Variants in H2AZ1 observed in about 807,000 individuals in gnomAD.
H2AZ1 encodes histone H2A.Z.
A neutral mutation model predicts 16.6 loss-of-function variants in H2AZ1; 3 were observed. The ratio of observed to expected loss-of-function variants is 0.18; its 90% CI spans 0.08 to 0.47. H2AZ1 has a LOEUF of 0.47. Among genes scored for constraint, H2AZ1 ranks in the 20% least tolerant of loss-of-function variants. The pLI, the probability that H2AZ1 is intolerant of heterozygous loss-of-function variation, is 0.98. For synonymous variants in H2AZ1, 78 were observed against 60.7 expected, an observed-to-expected ratio of 1.28 and a Z score of -1.32; for missense variants, 27 against 163.6, an observed-to-expected ratio of 0.17 and a Z score of 4.55.
intron 1 of H2AZ1, 126 bp from the exon 2 acceptor site, chr4:99,949,866 C>T (rs1053666500): frequency 2.6e-6 from 1 of 391,166 alleles, no homozygotes; most frequent in Non-Finnish European, 3.8e-6. Context: ...CCGGGGTCTC[C>T]GGCCCGCGGC....
Position 99,948,931 on chromosome 4 carries a change from G to T in H2AZ1, c.205C>A (p.Leu69Met). 6.3e-7 allele frequency: 1 copy of T among 1,594,526 alleles called. No individual in the cohort carries two copies. The highest frequency in any genetic ancestry group is 8.6e-7 in the Non-Finnish European group (1 of 1,162,944). ...AAGTCTTTTGATGCATTTCCTGCCA[G>T]TTCAAGTACCTAAAAGGCAGAATCT... ...LEYLTAEVLE[L>M]AGNASKDLKV... The change falls in exon 4 of 5, where the codon CTG becomes ATG. Residue 69 changes from leucine to methionine, a missense_variant. Leu to Met is a conservative substitution (Grantham distance 15, BLOSUM62 2). This residue lies in a region of H2AZ1 where 14 missense variants were observed against 110.3 expected (regional missense o/e 0.13). Coordinates refer to ENST00000296417, the MANE Select transcript of H2AZ1 (RefSeq NM_002106.4).
chr4:99,949,550 C>T, intron 2 of H2AZ1, 113 bp downstream of exon 2: 2 of 1,127,098 alleles, frequency 1.8e-6, no homozygotes, highest in Non-Finnish European at 2.7e-6. Flanking sequence ...GCCCAAGTCG[C>T]GACACCGCAT....
rs747924199 is a variant in H2AZ1, at chr4:99,948,417, TTAGAG to T, written c.*40_*44del. ...TGGAATCACCAACACTGGACAGCTGTTAGAGTATTTAGAGTCCTGAGATAACAAGG... is the reference window on the plus strand; with the variant it reads ...TGGAATCACCAACACTGGACAGCTGTTATTTAGAGTCCTGAGATAACAAGG... On this transcript the variant is annotated 3_prime_UTR_variant, in exon 5 of 5. Transcript: ENST00000296417. The T allele has an allele frequency of 3.0e-5, 32 of 1,061,938 alleles. No homozygotes were observed. Among genetic ancestry groups the T allele is most frequent in the Admixed American group, 1.0e-4 (6 of 58,884 alleles). The allele number at this position is 1,061,938 out of a possible 1,614,324, so 65.8% of individuals were successfully genotyped here. A position where few individuals can be genotyped will look rare whatever the true frequency, so the allele number is the denominator to read the frequency against.
Position 99,948,449 on chromosome 4 carries a change from A to G in H2AZ1, c.*13T>C. 2 of 1,385,924 alleles carry G rather than the reference A, an allele frequency of 1.4e-6. No homozygotes were observed. Among genetic ancestry groups the G allele is most frequent in the Non-Finnish European group, 2.1e-6 (2 of 972,230 alleles). 85.9% of individuals were successfully genotyped at this position (1,385,924 alleles called of 1,614,324 possible). On this transcript the variant is annotated 3_prime_UTR_variant, in exon 5 of 5. Coordinates refer to ENST00000296417, the MANE Select transcript of H2AZ1 (RefSeq NM_002106.4). ...ATTTAGAGTCCTGAGATAACAAGGA[A>G]TCCAGGCATCCTTTAGACAGTCTTC...
At position 99,948,301 on chromosome 4, in the gene H2AZ1, T is replaced by A; in HGVS notation, c.*161A>T. 1.4e-6 allele frequency: 1 copy of A among 723,962 alleles called. No individual in the cohort carries two copies. The highest frequency in any genetic ancestry group is 2.5e-5 in the East Asian group (1 of 39,226). The allele number at this position is 723,962 out of a possible 1,614,324, so 44.8% of individuals were successfully genotyped here. A position where few individuals can be genotyped will look rare whatever the true frequency, so the allele number is the denominator to read the frequency against. ...ATGGTTAAGACTCGAATGCAGAAAT[T>A]TGGTTGGTTGGAAAGCTAATTAAAC... On this transcript the variant is annotated 3_prime_UTR_variant, in exon 5 of 5. Transcript: ENST00000296417.
At position 99,950,222 on chromosome 4, in the gene H2AZ1, A is replaced by C. The variant is rs1553950081; in HGVS notation, c.-52T>G. ...GCAAGGCAGAGAAAAGGCTAATCGG[A>C]CCCACGGTGAGATCCCACCACCTAC... On this transcript the variant is annotated 5_prime_UTR_variant, in exon 1 of 5. Coordinates refer to ENST00000296417, the MANE Select transcript of H2AZ1 (RefSeq NM_002106.4). The C allele has an allele frequency of 3.8e-6, 6 of 1,586,616 alleles. No homozygotes were observed. The Admixed American group carries it at 1.0e-4, about 27-fold the overall frequency.
intron 4 of H2AZ1, 140 bp from the exon 5 acceptor site, chr4:99,948,663 G>C (rs1727198041): frequency 6.8e-6 from 10 of 1,460,844 alleles, no homozygotes; most frequent in Non-Finnish European, 8.2e-6. Flanking sequence ...AATTCATTGA[G>C]TTATACATAT....
chr4:99,949,166 C>G (rs986757615), intron 3 of H2AZ1, 107 bp downstream of exon 3: 3 of 703,404 alleles, frequency 4.3e-6, no homozygotes, highest in Admixed American at 5.5e-5. Flanking sequence ...TTAGGCCTCT[C>G]GCCGCGTTCA....
At chr4:99,949,766 G>A (rs756554681) in intron 1 of H2AZ1, 26 bp from the exon 2 acceptor site, 2 of 1,583,566 alleles carry the variant, frequency 1.3e-6, no homozygotes, top group South Asian at 2.2e-5. Flanking sequence ...GCCCGCGAGC[G>A]GAGGAGGAAC....
chr4:99,949,812 C>A, intron 1 of H2AZ1, 72 bp from the exon 2 acceptor site: 1 of 1,241,138 alleles, frequency 8.1e-7, no homozygotes, highest in South Asian at 1.4e-5. Flanking sequence ...CGCGCCCATC[C>A]CCCACCGCGG....
chr4:99,948,351 CA>C lies in H2AZ1; in HGVS notation c.*110del. The C allele has an allele frequency of 1.3e-6, 1 of 798,548 alleles. No individual in the cohort carries two copies. The highest frequency in any genetic ancestry group is 2.2e-6 in the Non-Finnish European group (1 of 446,516). The allele number at this position is 798,548 out of a possible 1,614,324, so 49.5% of individuals were successfully genotyped here. A position where few individuals can be genotyped will look rare whatever the true frequency, so the allele number is the denominator to read the frequency against. The stretch of plus-strand genomic sequence containing the variant: ...CTTCCAACTTGCTCAAATAGAATTA[CA>C]AAAAGGCAAAATTGTGTTTTTCACA... On this transcript the variant is annotated 3_prime_UTR_variant, in exon 5 of 5. Transcript: ENST00000296417.
At position 99,950,167 on chromosome 4, in the gene H2AZ1, C is replaced by G. The variant is rs1418519569; in HGVS notation, c.3+1G>C. 1 of 1,609,134 alleles carries G rather than the reference C, an allele frequency of 6.2e-7. No individual in the cohort carries two copies. The highest frequency in any genetic ancestry group is 8.5e-7 in the Non-Finnish European group (1 of 1,177,758). The stretch of plus-strand genomic sequence containing the variant: ...TCATCGAGCGTCTCTGCGAAGTTTA[C>G]CATTTCGAATTCCGCTGAAGCTCAA... On this transcript the variant is annotated splice_donor_variant, in intron 1 of 4. Transcript: ENST00000296417. LOFTEE classifies it high-confidence loss of function.
In H2AZ1 at chr4:99,948,847, A is replaced by G; in HGVS notation, c.289T>C (p.Leu97=). 1 of 1,612,042 alleles carries G rather than the reference A, an allele frequency of 6.2e-7. No individual in the cohort carries two copies. Among genetic ancestry groups the G allele is most frequent in the Non-Finnish European group, 8.5e-7 (1 of 1,178,136 alleles). Residue 97 remains leucine (L), a synonymous_variant, in exon 4 of 5, where the codon TTG becomes CTG. Transcript: ENST00000296417. The part of the protein sequence containing the change: ...LQLAIRGDEE[L]DSLIKATIAG... The stretch of plus-strand genomic sequence containing the variant: ...ATTGTAGCCTTGATGAGAGAATCCA[A>G]TTCTTCATCTCCACGAATAGCAAGT...
chr4:99,949,723 T>C lies in H2AZ1; in HGVS notation c.21A>G (p.Gly7=), dbSNP rs1288489458. Residue 7 remains glycine, a synonymous_variant, in exon 2 of 5, where the codon GGA becomes GGG. Coordinates refer to ENST00000296417, the MANE Select transcript of H2AZ1 (RefSeq NM_002106.4). The part of the protein sequence containing the change: MAGGKA[G]KDSGKAKTKA... ...TTGTCTTGGCCTTTCCGGAGTCCTT[T>C]CCAGCCTTACCGCCAGCCTGCGGCG... 1 of 1,612,284 alleles carries C rather than the reference T, an allele frequency of 6.2e-7. No individual in the cohort carries two copies. Among genetic ancestry groups the C allele is most frequent in the Non-Finnish European group, 8.5e-7 (1 of 1,179,078 alleles).
chr4:99,949,337 T>C lies in H2AZ1; in HGVS notation c.131A>G (p.His44Arg). ...AGCGGCAGTCGCGCCCACACGTCCA[T>C]GACTGGTCGTCCTAGATTTTAGGTG... Reference protein sequence around the residue: ...HRHLKSRTTSHGRVGATAAVY... With the variant: ...HRHLKSRTTSRGRVGATAAVY... The change falls in exon 3 of 5, where the codon CAT (histidine) becomes CGT (arginine). Residue 44 changes from histidine (H) to arginine (R), a missense_variant. Physicochemically the swap from His to Arg is conservative, Grantham distance 29 (BLOSUM62 0). This residue lies in a region of H2AZ1 where 14 missense variants were observed against 110.3 expected (regional missense o/e 0.13). Coordinates refer to ENST00000296417, the MANE Select transcript of H2AZ1 (RefSeq NM_002106.4). 1 of 1,613,324 alleles carries C rather than the reference T, an allele frequency of 6.2e-7. No homozygotes were observed. The highest frequency in any genetic ancestry group is 8.5e-7 in the Non-Finnish European group (1 of 1,179,594).
Position 99,950,232 on chromosome 4 carries a change from A to G in H2AZ1, c.-62T>C. On this transcript the variant is annotated 5_prime_UTR_variant, in exon 1 of 5. Transcript: ENST00000296417. The stretch of plus-strand genomic sequence containing the variant: ...GAAAAGGCTAATCGGACCCACGGTG[A>G]GATCCCACCACCTACTCCTTCGTCG... 6.5e-7 allele frequency: 1 copy of G among 1,537,852 alleles called. No individual in the cohort carries two copies. Among genetic ancestry groups the G allele is most frequent in the Non-Finnish European group, 8.9e-7 (1 of 1,119,242 alleles).
chr4:99,949,844 C>T (rs1727236305), intron 1 of H2AZ1, 104 bp from the exon 2 acceptor site: 7 of 811,538 alleles, frequency 8.6e-6, no homozygotes, highest in Non-Finnish European at 1.3e-5. Flanking sequence ...GCGAGCGCGT[C>T]CCCGCACCCT....
chr4:99,949,078 A>C (rs1727207492), intron 3 of H2AZ1, 138 bp from the exon 4 acceptor site: 1 of 703,880 alleles, frequency 1.4e-6, no homozygotes. Flanking sequence ...TACAGGGGGC[A>C]CGCAATTTTA....
chr4:99,948,788 T>A, intron 4 of H2AZ1, 23 bp downstream of exon 4: 1 of 1,576,146 alleles, frequency 6.3e-7, no homozygotes, highest in Non-Finnish European at 8.6e-7. Context: ...AGAAATTTTT[T>A]AAAATGTTAG....
Sources: gnomAD v4.1 joint callset for allele counts on GRCh38, gnomAD v4.1.1 for gene constraint, gnomAD v4.1.1 regional missense constraint, MANE v1.5 for transcripts, NCBI Gene and HGNC (gene_info 2026-07-23, HGNC 2026-07-21) for gene names.